The following TTC39A variants were observed in gnomAD, a reference collection of about 807,000 sequenced individuals.
The protein encoded by TTC39A is tetratricopeptide repeat domain 39A.
In TTC39A, 46 loss-of-function variants were observed where a neutral mutation model predicts 82.3. That is an observed-to-expected ratio of 0.56 (90% CI 0.44 to 0.71). The LOEUF (loss-of-function observed/expected upper bound fraction) is 0.71. Among genes scored for constraint, TTC39A ranks in the 30% least tolerant of loss-of-function variants. The pLI is 0.00. For missense variants in TTC39A, 543 were observed against 712.9 expected (o/e 0.76, Z 2.71); for synonymous variants, 254 against 275.2 (o/e 0.92, Z 0.76).
At chr1:51,301,318 C>T (rs1226081329) in intron 12 of TTC39A, 2 of 412,182 alleles carry the variant, frequency 4.9e-6, no homozygotes, top group East Asian at 3.7e-5. Flanking sequence ...ATTTCTACCA[C>T]AGAAACAGTT....
At chr1:51,338,029 TC>T (rs1570027748) in intron 1 of TTC39A, among the ~76,000 whole-genome samples, 1 of 152,312 alleles carries the variant, frequency 6.6e-6, no homozygotes, top group East Asian at 1.9e-4. Flanking sequence ...TGTTTTGTTC[TC>T]TAATGTGCCT....
In TTC39A at chr1:51,309,327, T is replaced by G; in HGVS notation, c.424-2A>C. On this transcript the variant is annotated splice_acceptor_variant, in intron 5 of 17. Coordinates refer to ENST00000680483, the MANE Select transcript of TTC39A (RefSeq NM_001297663.2). LOFTEE classifies it high-confidence loss of function. ...GATGAAGCTCACCATGTTCTCGTCC[T>G]GCAGGAGGAAAAGATGCTGACGGCC... 1 of 1,613,096 alleles carries G rather than the reference T, an allele frequency of 6.2e-7. No homozygotes were observed. The highest frequency in any genetic ancestry group is 8.5e-7 in the Non-Finnish European group (1 of 1,179,562).
intron 6 of TTC39A, among the ~76,000 whole-genome samples, chr1:51,307,561 C>T (rs1340694216): frequency 6.6e-6 from 1 of 151,930 alleles, no homozygotes; most frequent in Non-Finnish European, 1.5e-5. Flanking sequence ...TGGTGAAACC[C>T]CATCTCTACT....
upstream of TTC39A, among the ~76,000 whole-genome samples, chr1:51,334,457 C>T (rs180919697): frequency 1.8e-4 from 27 of 152,068 alleles, no homozygotes; most frequent in African/African-American, 5.8e-4. Context: ...GAACCAAGAT[C>T]GCACTATTGC....
intron 2 of TTC39A, among the ~76,000 whole-genome samples, chr1:51,318,184 G>A (rs1645365153): frequency 6.6e-6 from 1 of 152,208 alleles, no homozygotes; most frequent in Non-Finnish European, 1.5e-5. Flanking sequence ...TGTGCTTGGG[G>A]TGTGGGACCG....
chr1:51,329,885 C>G (rs1645841689), intron 1 of TTC39A: 1 of 152,950 alleles, frequency 6.5e-6, no homozygotes, highest in Non-Finnish European at 1.5e-5. Context: ...GGTGACAACA[C>G]CCACTTTTTA....
In TTC39A at chr1:51,330,548, C is replaced by G. The variant is rs1344890563; in HGVS notation, c.-71G>C. ...GGCCCAGGTGCTGCCGCCGCAACCC[C>G]GAGCCGGGCGCTGTGCGGTCGCGGA... On this transcript the variant is annotated 5_prime_UTR_variant, in exon 1 of 18. Coordinates refer to ENST00000680483, the MANE Select transcript of TTC39A (RefSeq NM_001297663.2). The surrounding 1 kb of genome is among the most constrained non-coding windows in gnomAD (Gnocchi z 4.5). 6.1e-6 allele frequency: 6 copies of G among 983,356 alleles called. No homozygotes were observed. Among genetic ancestry groups the G allele is most frequent in the Admixed American group, 6.3e-5 (1 of 15,916 alleles). The allele number at this position is 983,356 out of a possible 1,614,324, so 60.9% of individuals were successfully genotyped here.
chr1:51,320,182 G>A (rs1645443402), intron 2 of TTC39A, among the ~76,000 whole-genome samples: 1 of 152,010 alleles, frequency 6.6e-6, no homozygotes, highest in Non-Finnish European at 1.5e-5. Context: ...TACTTGATAG[G>A]TTTCAGCATT....
chr1:51,318,248 GT>G (rs1645366916), intron 2 of TTC39A, among the ~76,000 whole-genome samples: 1 of 152,170 alleles, frequency 6.6e-6, no homozygotes, highest in Admixed American at 6.5e-5. Flanking sequence ...GGTGGCTATG[GT>G]CTGGGGTCCA....
In TTC39A at chr1:51,302,513, T is replaced by C. The variant is rs1341068890; in HGVS notation, c.824A>G (p.Tyr275Cys). ...EKLLKPYLNR[Y>C]PKGAIFLFFA... ...GCAGCACATGGGGCTCACCTTAGGG[T>C]ACCGGTTCAGGTAGGGCTTCAAGAG... The change falls in exon 10 of 18, where the codon TAC becomes TGC. Residue 275 changes from tyrosine to cysteine, a missense_variant. Tyr to Cys is a radical substitution (Grantham distance 194). Transcript: ENST00000680483. 1 of 1,609,614 alleles carries C rather than the reference T, an allele frequency of 6.2e-7. No individual in the cohort carries two copies. The highest frequency in any genetic ancestry group is 8.5e-7 in the Non-Finnish European group (1 of 1,178,014).
intron 6 of TTC39A, among the ~76,000 whole-genome samples, chr1:51,308,238 A>AC (rs957207902): frequency 3.2e-3 from 434 of 137,170 alleles, no homozygotes; most frequent in Non-Finnish European, 4.9e-3. Flanking sequence ...TCTTGCCGCC[A>AC]CCCCCCCTTT....
chr1:51,331,299 G>T, upstream of TTC39A: 1 of 1,544,698 alleles, frequency 6.5e-7, no homozygotes, highest in Middle Eastern at 2.2e-4. Context: ...TGTCCACTGT[G>T]CACCGAGCCC....
chr1:51,290,653 A>C (rs1644176556), intron 14 of TTC39A, 28 bp from the exon 15 acceptor site: 1 of 1,591,984 alleles, frequency 6.3e-7, no homozygotes, highest in Non-Finnish European at 8.6e-7. Flanking sequence ...AGTCAGTCCT[A>C]GGTTTCTTCC....
rs111486009 is a variant in TTC39A at position 51,317,902 on chromosome 1, C to T, written c.146+3819G>A. 6.0e-3 allele frequency among the ~76,000 whole-genome samples: 907 copies of T among 152,218 alleles called. 5 individuals are homozygous for T. The highest frequency in any genetic ancestry group is 0.02 in the African/African-American group (833 of 41,544). On this transcript the variant is annotated intron_variant, in intron 2 of 17. Coordinates refer to ENST00000680483, the MANE Select transcript of TTC39A (RefSeq NM_001297663.2). ...GATTCCTGGGGTGTCTCTGTTAGGA[C>T]GAGGGTTTCCTTTGGCGATCCTGAG...
At chr1:51,302,450 C>T (rs749251050) in intron 10 of TTC39A, 34 bp from the exon 11 acceptor site, 18 of 1,606,336 alleles carry the variant, frequency 1.1e-5, no homozygotes, top group African/African-American at 4.0e-5. Context: ...CGTGTGGGTC[C>T]GTGGGGTCTG....
At chr1:51,313,372 C>T (rs796459164) in intron 2 of TTC39A, among the ~76,000 whole-genome samples, 3 of 152,212 alleles carry the variant, frequency 2.0e-5, no homozygotes, top group African/African-American at 7.2e-5. Flanking sequence ...CCAAACCCCA[C>T]CCCTGGGCCG....
chr1:51,321,807 G>A lies in TTC39A; in HGVS notation c.60C>T (p.Leu20=). The A allele has an allele frequency of 6.2e-7, 1 of 1,613,732 alleles. No individual in the cohort carries two copies. The highest frequency in any genetic ancestry group is 8.5e-7 in the Non-Finnish European group (1 of 1,179,796). The part of the protein sequence containing the change: ...ALPAGTPESS[L]HEALDQCMTA... ...TCATGCACTGGTCCAGGGCCTCATGGAGGCTGCTCTCAGGAGTCCTGGGGG... is the reference window on the plus strand; with the variant it reads ...TCATGCACTGGTCCAGGGCCTCATGAAGGCTGCTCTCAGGAGTCCTGGGGG... Residue 20 remains leucine, a synonymous_variant, in exon 2 of 18, where the codon CTC becomes CTT. Coordinates refer to ENST00000680483, the MANE Select transcript of TTC39A (RefSeq NM_001297663.2). The surrounding 1 kb of genome is among the most constrained non-coding windows in gnomAD (Gnocchi z 4.6).
At chr1:51,318,411 G>A (rs2148262318) in intron 2 of TTC39A, among the ~76,000 whole-genome samples, 1 of 152,276 alleles carries the variant, frequency 6.6e-6, no homozygotes, top group East Asian at 1.9e-4. Flanking sequence ...TGCAGGCCCT[G>A]ACCCACCCAG....
upstream of TTC39A, among the ~76,000 whole-genome samples, chr1:51,333,220 CAAAA>C (rs748559262): frequency 2.5e-5 from 2 of 80,286 alleles, no homozygotes; most frequent in African/African-American, 5.0e-5. Context: ...TCGCCCCCAC[CAAAA>C]AAAAAAAAAA....
Sources: gnomAD v4.1 joint callset for allele counts (sites outside exome capture counted in the v4.1 genomes callset) on GRCh38, gnomAD v4.1.1 for gene constraint, Gnocchi (gnomAD v3.1) non-coding constraint, MANE v1.5 for transcripts, NCBI Gene and HGNC (gene_info 2026-07-23, HGNC 2026-07-21) for gene names.